The following MLLT3 variants were observed in gnomAD, a reference collection of about 807,000 sequenced individuals.
The protein encoded by MLLT3 is MLLT3 super elongation complex subunit, also known as protein AF-9.
A neutral mutation model predicts 53.2 loss-of-function variants in MLLT3; 4 were observed. The observed-to-expected ratio is 0.08, with a 90% CI of 0.04 to 0.17. The LOEUF (loss-of-function observed/expected upper bound fraction) is 0.17. MLLT3 is among the 10% of genes least tolerant of loss of function. The pLI, the probability that MLLT3 is intolerant of heterozygous loss-of-function variation, is 1.00. For synonymous variants in MLLT3, 283 were observed against 230.6 expected (o/e 1.23, Z -2.06); for missense variants, 569 against 684.0 (o/e 0.83, Z 1.87).
intron 2 of MLLT3, among the ~76,000 whole-genome samples, chr9:20,535,740 G>A (rs778300176): frequency 3.3e-5 from 5 of 152,134 alleles, no homozygotes; most frequent in Admixed American, 6.5e-5. Context: ...TTCAGTTCAG[G>A]AGACATTAGC....
intron 2 of MLLT3, among the ~76,000 whole-genome samples, chr9:20,551,396 A>G (rs571001059): frequency 8.5e-5 from 13 of 152,178 alleles, no homozygotes; most frequent in African/African-American, 1.2e-4. Flanking sequence ...ACAAAAGGTG[A>G]TGTTTCATTT....
intron 8 of MLLT3, among the ~76,000 whole-genome samples, chr9:20,355,720 A>C (rs779071946): frequency 3.9e-5 from 6 of 152,250 alleles, no homozygotes; most frequent in Non-Finnish European, 7.3e-5. Flanking sequence ...TAAACACAAA[A>C]AGCAAAGTAA....
intron 2 of MLLT3, among the ~76,000 whole-genome samples, chr9:20,461,778 A>T (rs1824113626): frequency 6.6e-6 from 1 of 152,102 alleles, no homozygotes; most frequent in Non-Finnish European, 1.5e-5. Context: ...TTTTGATGCT[A>T]TGATTTATGG....
intron 2 of MLLT3, among the ~76,000 whole-genome samples, chr9:20,603,770 T>C (rs1402066850): frequency 1.3e-5 from 2 of 152,100 alleles, no homozygotes; most frequent in Non-Finnish European, 2.9e-5. Context: ...TTTTACATGC[T>C]GAGCAGTTTT....
chr9:20,576,956 T>C (rs796329748), intron 2 of MLLT3, among the ~76,000 whole-genome samples: 13 of 152,294 alleles, frequency 8.5e-5, no homozygotes, highest in African/African-American at 3.1e-4. Flanking sequence ...GTCTGGGCAA[T>C]ATAGTGAGAT....
chr9:20,506,556 G>A (rs1825386428), intron 2 of MLLT3, among the ~76,000 whole-genome samples: 1 of 151,984 alleles, frequency 6.6e-6, no homozygotes, highest in Non-Finnish European at 1.5e-5. Flanking sequence ...ACAGATTTCT[G>A]GCGTTGACTC....
intron 4 of MLLT3, among the ~76,000 whole-genome samples, chr9:20,430,413 C>T (rs1823235864): frequency 6.6e-6 from 1 of 152,094 alleles, no homozygotes; most frequent in African/African-American, 2.4e-5. Flanking sequence ...AGTATTGCTA[C>T]AGAGATCAAC....
intron 4 of MLLT3, among the ~76,000 whole-genome samples, chr9:20,440,570 G>A (rs1309220984): frequency 1.3e-5 from 2 of 152,038 alleles, no homozygotes; most frequent in East Asian, 3.9e-4. Context: ...GTCAAAATAG[G>A]CATCTGCACT....
intron 2 of MLLT3, among the ~76,000 whole-genome samples, chr9:20,543,737 G>T (rs1400477449): frequency 2.0e-5 from 3 of 151,102 alleles, no homozygotes; most frequent in Admixed American, 6.6e-5. Context: ...GAGGAAGGAG[G>T]AGGAGGAGGA....
intron 5 of MLLT3, among the ~76,000 whole-genome samples, chr9:20,395,412 A>C (rs77641525): frequency 3.1e-3 from 475 of 152,306 alleles, no homozygotes; most frequent in African/African-American, 0.01. Context: ...AGGAGTTTTC[A>C]AAAATATTCC....
rs147366019 is a variant in MLLT3, at chr9:20,401,073, C to T, written c.1125+12648G>A. On this transcript the variant is annotated intron_variant, in intron 5 of 10. Transcript: ENST00000380338. ...CAGGAGGAGGAGAAAAAGGGAGAGT[C>T]ACAGACATTTTTGGAGCAAACCTGA... Among the ~76,000 whole-genome samples, 14 of 152,138 alleles carry T rather than the reference C, an allele frequency of 9.2e-5. No individual in the cohort carries two copies. The East Asian group carries it at 2.5e-3, about 27-fold the overall frequency.
intron 2 of MLLT3, among the ~76,000 whole-genome samples, chr9:20,478,422 A>C (rs1293469120): frequency 6.6e-6 from 1 of 152,174 alleles, no homozygotes; most frequent in Non-Finnish European, 1.5e-5. Context: ...CACTAACCAC[A>C]GACGGACTGA....
intron 2 of MLLT3, among the ~76,000 whole-genome samples, chr9:20,512,565 C>G (rs918214222): frequency 6.6e-6 from 1 of 152,200 alleles, no homozygotes; most frequent in Non-Finnish European, 1.5e-5. Context: ...TAAACAGCAT[C>G]TATGAGTACA....
chr9:20,501,594 A>G (rs1293882679), intron 2 of MLLT3, among the ~76,000 whole-genome samples: 1 of 151,896 alleles, frequency 6.6e-6, no homozygotes, highest in East Asian at 1.9e-4. Context: ...TACTAAAAAT[A>G]CAAAAAATTA....
chr9:20,619,250 T>C (rs1015696153), intron 2 of MLLT3, among the ~76,000 whole-genome samples: 4 of 152,224 alleles, frequency 2.6e-5, no homozygotes, highest in African/African-American at 7.2e-5. Context: ...TTTCTAGCCC[T>C]CTATAAGAAA....
intron 2 of MLLT3, among the ~76,000 whole-genome samples, chr9:20,573,318 T>G (rs1237922896): frequency 6.6e-6 from 1 of 152,060 alleles, no homozygotes; most frequent in Non-Finnish European, 1.5e-5. Context: ...TAGCTGGAAC[T>G]ATAGGCACAT....
chr9:20,540,201 G>A (rs1048018718), intron 2 of MLLT3, among the ~76,000 whole-genome samples: 3 of 152,232 alleles, frequency 2.0e-5, no homozygotes, highest in Non-Finnish European at 2.9e-5. Flanking sequence ...GGCTGGTGTT[G>A]AGTGTCTGCA....
At chr9:20,412,704 C>T (rs552634960) in intron 5 of MLLT3, among the ~76,000 whole-genome samples, 57 of 152,208 alleles carry the variant, frequency 3.7e-4, no homozygotes, top group African/African-American at 1.2e-3. Flanking sequence ...CCTAGAAATA[C>T]GGTCAAGCCA....
intron 2 of MLLT3, among the ~76,000 whole-genome samples, chr9:20,512,207 C>A (rs1460384555): frequency 6.6e-6 from 1 of 152,192 alleles, no homozygotes; most frequent in East Asian, 1.9e-4. Flanking sequence ...TGTGGAACAA[C>A]AGATGTCTCC....
Sources: allele counts gnomAD v4.1 joint callset (sites outside exome capture counted in the v4.1 genomes callset), GRCh38; gene constraint gnomAD v4.1.1; transcripts MANE v1.5; gene names NCBI Gene and HGNC (gene_info 2026-07-23, HGNC 2026-07-21).